Variants in DNAJC6 observed in about 807,000 individuals in gnomAD.
DNAJC6 encodes the protein auxilin.
Under a neutral mutation model 110.0 loss-of-function variants are expected in DNAJC6, and 34 were observed. The observed-to-expected ratio is 0.31, with a 90% CI of 0.24 to 0.41. The LOEUF is 0.41. DNAJC6 is among the 10% of genes least tolerant of loss of function. The probability of loss-of-function intolerance (pLI) is 1.00; values close to 1 mark genes in which losing one functional copy is unlikely to be tolerated. For synonymous variants in DNAJC6, 406 were observed against 437.2 expected (o/e 0.93, Z 0.89); for missense variants, 1,031 against 1,207.8 (o/e 0.85, Z 2.17).
At chr1:65,360,668 A>G (rs749048650) in intron 1 of DNAJC6, among the ~76,000 whole-genome samples, 1 of 152,190 alleles carries the variant, frequency 6.6e-6, no homozygotes, top group African/African-American at 2.4e-5. Flanking sequence ...CAGGGAAATA[A>G]TGTGCTCTAT....
intron 1 of DNAJC6, among the ~76,000 whole-genome samples, chr1:65,336,478 A>G (rs568670704): frequency 1.2e-4 from 18 of 152,156 alleles, no homozygotes; most frequent in Non-Finnish European, 2.4e-4. Flanking sequence ...CTAAATTCAA[A>G]TATACAAAAA....
At chr1:65,374,844 C>T (rs1320832201) in intron 4 of DNAJC6, among the ~76,000 whole-genome samples, 1 of 152,112 alleles carries the variant, frequency 6.6e-6, no homozygotes, top group East Asian at 1.9e-4. Context: ...AAGTGGGTAT[C>T]GTTGTTGTGT....
Position 65,413,172 on chromosome 1 carries a change from G to A in DNAJC6, c.*147G>A. The stretch of plus-strand genomic sequence containing the variant: ...GTTACTCATGAATTAATTTCTCATT[G>A]ATAAGGAATGTGGATGTTTGGTTTC... On this transcript the variant is annotated 3_prime_UTR_variant, in exon 19 of 19. Transcript: ENST00000371069. 1.6e-6 allele frequency: 1 copy of A among 630,862 alleles called. No homozygotes were observed. Among genetic ancestry groups the A allele is most frequent in the Admixed American group, 3.1e-5 (1 of 32,154 alleles). 39.1% of individuals were successfully genotyped at this position (630,862 alleles called of 1,614,324 possible). A position where few individuals can be genotyped will look rare whatever the true frequency, so the allele number is the denominator to read the frequency against.
At position 65,389,312 on chromosome 1, in the gene DNAJC6, C is replaced by T. The variant is rs1357192978; in HGVS notation, c.1250C>T (p.Thr417Ile). ...AAATATCCTCAGCTATTTCAGGTGA[C>T]ACTGGATGTAGAACTACAGCCCCAT... ...PEKYPQLFQV[T>I]LDVELQPHDK... is the part of the protein sequence containing the mutation. Residue 417 changes from threonine (T) to isoleucine (I), a missense_variant, in exon 10 of 19, where the codon ACA becomes ATA. Physicochemically the swap from Thr to Ile is moderately conservative, Grantham distance 89 (BLOSUM62 -1). Transcript: ENST00000371069. 1 of 1,614,132 alleles carries T rather than the reference C, an allele frequency of 6.2e-7. No homozygotes were observed. Among genetic ancestry groups the T allele is most frequent in the Non-Finnish European group, 8.5e-7 (1 of 1,180,002 alleles).
At chr1:65,377,864 G>A (rs1645781091) in intron 4 of DNAJC6, among the ~76,000 whole-genome samples, 1 of 152,198 alleles carries the variant, frequency 6.6e-6, no homozygotes, top group African/African-American at 2.4e-5. Flanking sequence ...GGATTGCAGA[G>A]CACATTCTGA....
chr1:65,367,522 G>T (rs1404747000), intron 4 of DNAJC6, among the ~76,000 whole-genome samples: 2 of 152,046 alleles, frequency 1.3e-5, no homozygotes, highest in Non-Finnish European at 2.9e-5. Flanking sequence ...TTCTTGACTG[G>T]AGGCTAAGTC....
chr1:65,385,206 A>G (rs182743460), intron 6 of DNAJC6, among the ~76,000 whole-genome samples: 94 of 152,352 alleles, frequency 6.2e-4, no homozygotes, highest in Non-Finnish European at 1.2e-3. Flanking sequence ...TTTTCATGTA[A>G]CTCTGATATA....
At chr1:65,298,660 C>T (rs1316026845) in intron 1 of DNAJC6, 1 of 152,022 alleles carries the variant, frequency 6.6e-6, no homozygotes, top group Non-Finnish European at 1.5e-5. Flanking sequence ...TCTTAGCCCA[C>T]ATATTCATGT....
chr1:65,343,763 T>A (rs570148831), intron 1 of DNAJC6, among the ~76,000 whole-genome samples: 15 of 151,570 alleles, frequency 9.9e-5, no homozygotes, highest in Admixed American at 2.6e-4. Flanking sequence ...GAAAAAAAAA[T>A]ATTCCGAGGT....
At chr1:65,372,554 G>A (rs1200433882) in intron 4 of DNAJC6, among the ~76,000 whole-genome samples, 1 of 152,104 alleles carries the variant, frequency 6.6e-6, no homozygotes, top group Non-Finnish European at 1.5e-5. Flanking sequence ...CCGCAAGCTA[G>A]CATTTACTGT....
chr1:65,365,775 A>G (rs1420138968), intron 2 of DNAJC6, 110 bp from the exon 3 acceptor site: 2 of 1,213,362 alleles, frequency 1.6e-6, no homozygotes, highest in African/African-American at 1.5e-5. Context: ...GAGTCGAAAC[A>G]TGCCCCCTGG....
intron 15 of DNAJC6, among the ~76,000 whole-genome samples, chr1:65,403,739 A>C (rs375070705): frequency 6.6e-5 from 10 of 152,304 alleles, no homozygotes; most frequent in Admixed American, 3.9e-4. Flanking sequence ...TATTTCTGTA[A>C]GTTCTCTGCT....
intron 1 of DNAJC6, among the ~76,000 whole-genome samples, chr1:65,355,195 G>A (rs551237806): frequency 8.6e-5 from 13 of 151,062 alleles, no homozygotes; most frequent in Admixed American, 5.3e-4. Context: ...CCTGGGAGGC[G>A]GAGGTTGCAG....
At chr1:65,358,065 G>A (rs1238004516) in intron 1 of DNAJC6, among the ~76,000 whole-genome samples, 2 of 151,286 alleles carry the variant, frequency 1.3e-5, no homozygotes, top group Non-Finnish European at 2.9e-5. Context: ...TGTAATCCCA[G>A]CTTATCGGGA....
intron 1 of DNAJC6, among the ~76,000 whole-genome samples, chr1:65,352,616 G>A (rs936031546): frequency 1.3e-5 from 2 of 152,216 alleles, no homozygotes; most frequent in Admixed American, 6.5e-5. Context: ...TAGCACATGT[G>A]TGTGTTGTAT....
At chr1:65,340,238 A>C (rs1281013242) in intron 1 of DNAJC6, among the ~76,000 whole-genome samples, 11 of 152,202 alleles carry the variant, frequency 7.2e-5, no homozygotes, top group Admixed American at 7.2e-4. Flanking sequence ...AATATGCAAG[A>C]GTGCTGAGAG....
At chr1:65,390,366 G>T (rs1044583298) in intron 11 of DNAJC6, among the ~76,000 whole-genome samples, 1 of 152,208 alleles carries the variant, frequency 6.6e-6, no homozygotes, top group Non-Finnish European at 1.5e-5. Flanking sequence ...CTGCTGCAGA[G>T]AAAGCAAACA....
chr1:65,363,984 T>C (rs1191415001), intron 1 of DNAJC6, among the ~76,000 whole-genome samples: 1 of 152,130 alleles, frequency 6.6e-6, no homozygotes, highest in Admixed American at 6.5e-5. Context: ...CTTTAAGGGA[T>C]AGCCATGGAA....
chr1:65,322,418 T>C (rs890933495), intron 1 of DNAJC6, among the ~76,000 whole-genome samples: 2 of 152,210 alleles, frequency 1.3e-5, no homozygotes, highest in African/African-American at 4.8e-5. Flanking sequence ...CTGGAATCCA[T>C]CTATACATGC....
Sources: allele counts gnomAD v4.1 joint callset (sites outside exome capture counted in the v4.1 genomes callset), GRCh38; gene constraint gnomAD v4.1.1; transcripts MANE v1.5; gene names NCBI Gene and HGNC (gene_info 2026-07-23, HGNC 2026-07-21).